SASH1: variants seen among roughly 807,000 people sequenced by gnomAD.
The protein encoded by SASH1 is SAM and SH3 domain containing 1, also known as SAM and SH3 domain-containing protein 1.
A neutral mutation model predicts 125.2 loss-of-function variants in SASH1; 44 were observed. The observed-to-expected ratio is 0.35, with a 90% confidence interval of 0.28 to 0.45. The LOEUF is 0.45. SASH1 is among the 20% of genes least tolerant of loss of function. SASH1 has a pLI of 1.00. For missense variants in SASH1, 1,426 were observed against 1,614.5 expected (o/e 0.88, Z 2.00); for synonymous variants, 639 against 649.1 (o/e 0.98, Z 0.24).
At chr6:148,391,886 AC>A (rs1783741997) in intron 2 of SASH1, among the ~76,000 whole-genome samples, 1 of 152,126 alleles carries the variant, frequency 6.6e-6, no homozygotes, top group African/African-American at 2.4e-5. Flanking sequence ...AAAATGTTCA[AC>A]CCTCTGTCTC....
intron 8 of SASH1, among the ~76,000 whole-genome samples, chr6:148,500,136 T>G (rs1779501556): frequency 6.6e-6 from 1 of 152,164 alleles, no homozygotes; most frequent in African/African-American, 2.4e-5. Context: ...TTGGTCCTGT[T>G]TGGGTGGCTC....
At chr6:148,413,669 G>T (rs1171854510) in intron 2 of SASH1, among the ~76,000 whole-genome samples, 1 of 152,164 alleles carries the variant, frequency 6.6e-6, no homozygotes, top group Admixed American at 6.5e-5. Context: ...GTAAATCGAG[G>T]CCGTTGATGT....
intron 8 of SASH1, among the ~76,000 whole-genome samples, chr6:148,488,855 T>A (rs1583242554): frequency 6.6e-6 from 1 of 152,250 alleles, no homozygotes; most frequent in Non-Finnish European, 1.5e-5. Context: ...AGGGGTTCTT[T>A]CTATTTTCTG....
At chr6:148,419,925 G>A (rs1784985725) in intron 2 of SASH1, among the ~76,000 whole-genome samples, 1 of 152,132 alleles carries the variant, frequency 6.6e-6, no homozygotes, top group Non-Finnish European at 1.5e-5. Flanking sequence ...TCATGCTACA[G>A]GAAAGGAGAG....
intron 1 of SASH1, among the ~76,000 whole-genome samples, chr6:148,327,006 G>C (rs1314570498): frequency 6.6e-6 from 1 of 152,006 alleles, no homozygotes; most frequent in African/African-American, 2.4e-5. Flanking sequence ...CTACTGGCTG[G>C]TGAATCTTGT....
intron 4 of SASH1, among the ~76,000 whole-genome samples, chr6:148,457,273 A>G (rs1777407300): frequency 6.6e-6 from 1 of 151,076 alleles, no homozygotes; most frequent in Non-Finnish European, 1.5e-5. Flanking sequence ...CAGGGGCAGC[A>G]TTACAAACTT....
chr6:148,514,247 A>G (rs1780307319), intron 8 of SASH1, 77 bp from the exon 9 acceptor site: 10 of 1,533,976 alleles, frequency 6.5e-6, no homozygotes, highest in Non-Finnish European at 7.0e-6. Context: ...ACTGGCAGCA[A>G]GGCCGGCTAC....
At chr6:148,239,116 G>C in the SASH1 span, among the ~76,000 whole-genome samples, 2 of 152,162 alleles carry the variant, frequency 1.3e-5, no homozygotes, top group East Asian at 3.9e-4. Context: ...AGGGGCTTCT[G>C]AACTTATTTG....
chr6:148,466,358 T>C (rs1777837757), intron 4 of SASH1, among the ~76,000 whole-genome samples: 1 of 152,202 alleles, frequency 6.6e-6, no homozygotes, highest in Admixed American at 6.5e-5. Context: ...AGAATGGTGG[T>C]GCTTGCAGGG....
intron 1 of SASH1, among the ~76,000 whole-genome samples, chr6:148,309,106 T>G: frequency 7.8e-6 from 1 of 127,800 alleles, no homozygotes. Flanking sequence ...AAAAAAAAGA[T>G]TCTCTTTCTC....
rs1225908914 is a variant in SASH1, at chr6:148,475,333, G to A, written c.627+1111G>A. Among the ~76,000 whole-genome samples, 6 of 152,162 alleles carry A rather than the reference G, an allele frequency of 3.9e-5. No homozygotes were observed. The East Asian group carries it at 5.8e-4, about 15-fold the overall frequency. ...TCATCAAGAACAGGAATTTATTGGC[G>A]CATAGCTCTGGAGGCTGGGAAATCT... On this transcript the variant is annotated intron_variant, in intron 7 of 19. Coordinates refer to ENST00000367467, the MANE Select transcript of SASH1 (RefSeq NM_015278.5).
In SASH1 at chr6:148,544,264, T is replaced by C. The variant is rs1782409857; in HGVS notation, c.2794T>C (p.Tyr932His). 2.5e-6 allele frequency: 4 copies of C among 1,613,962 alleles called. No homozygotes were observed. The highest frequency in any genetic ancestry group is 3.4e-6 in the Non-Finnish European group (4 of 1,180,036). ...LSPPQCLPRNYDAQPPGAKHG... is the reference protein window; with the variant it reads ...LSPPQCLPRNHDAQPPGAKHG... ...ACCCCCTCAGTGTTTGCCCAGAAAC[T>C]ATGATGCTCAGCCTCCTGGAGCTAA... Residue 932 changes from tyrosine (Y) to histidine (H), a missense_variant, in exon 18 of 20, where the codon TAT becomes CAT. By Grantham distance (83) the Tyr-to-His change is moderately conservative (BLOSUM62 2). Transcript: ENST00000367467. The surrounding 1 kb of genome is among the most constrained non-coding windows in gnomAD (Gnocchi z 6.4).
the SASH1 span, among the ~76,000 whole-genome samples, chr6:148,220,956 A>C: frequency 6.6e-6 from 1 of 152,142 alleles, no homozygotes; most frequent in Non-Finnish European, 1.5e-5. Flanking sequence ...CATATCTAAC[A>C]AATGATTTCT....
At chr6:148,319,022 C>CTT (rs10695657) in intron 1 of SASH1, among the ~76,000 whole-genome samples, 2,654 of 66,634 alleles carry the variant, frequency 0.04, 726 homozygotes, top group South Asian at 0.062. Context: ...CATTTATCTT[C>CTT]TTTTTTTTTT....
In SASH1 at chr6:148,519,478, A is replaced by T. The variant is rs1780661429; in HGVS notation, c.863-69A>T. On this transcript the variant is annotated intron_variant, in intron 9 of 19. Transcript: ENST00000367467. The surrounding 1 kb of genome is among the most constrained non-coding windows in gnomAD (Gnocchi z 4.8). The stretch of plus-strand genomic sequence containing the variant: ...GGTCATGATACGGAGAAAGGTGGTG[A>T]ATGTAAAGAAAGATGTATGCAAGAA... 8.8e-7 allele frequency: 1 copy of T among 1,138,200 alleles called. No homozygotes were observed. Among genetic ancestry groups the T allele is most frequent in the East Asian group, 2.4e-5 (1 of 42,188 alleles). 70.5% of individuals were successfully genotyped at this position (1,138,200 alleles called of 1,614,324 possible). A position where few individuals can be genotyped will look rare whatever the true frequency, so the allele number is the denominator to read the frequency against.
the SASH1 span, among the ~76,000 whole-genome samples, chr6:148,210,692 T>C: frequency 6.6e-6 from 1 of 152,218 alleles, no homozygotes; most frequent in East Asian, 1.9e-4. Context: ...CCAAAACCTA[T>C]GTGACACCCT....
chr6:148,436,862 T>C (rs1406408062), intron 2 of SASH1, among the ~76,000 whole-genome samples: 1 of 152,222 alleles, frequency 6.6e-6, no homozygotes, highest in African/African-American at 2.4e-5. Context: ...GATGATTTGT[T>C]ACACGGCAGT....
intron 8 of SASH1, among the ~76,000 whole-genome samples, chr6:148,500,819 G>A (rs936908050): frequency 1.3e-5 from 2 of 151,766 alleles, no homozygotes; most frequent in African/African-American, 4.8e-5. Context: ...CTTCTTGGGG[G>A]GCTTTTGCTC....
the SASH1 span, among the ~76,000 whole-genome samples, chr6:148,245,588 ACT>A: frequency 6.6e-6 from 1 of 152,142 alleles, no homozygotes; most frequent in African/African-American, 2.4e-5. Flanking sequence ...GCTCTTAATA[ACT>A]GAAGGGACTT....
Sources: allele counts gnomAD v4.1 joint callset (sites outside exome capture counted in the v4.1 genomes callset), GRCh38; gene constraint gnomAD v4.1.1; non-coding constraint Gnocchi (gnomAD v3.1); transcripts MANE v1.5; gene names NCBI Gene and HGNC (gene_info 2026-07-23, HGNC 2026-07-21).